Variants in PAQR5 observed in about 807,000 individuals in gnomAD.
PAQR5 encodes progestin and adipoQ receptor family member 5, also known as membrane progestin receptor gamma.
In PAQR5, 20 loss-of-function variants were observed where a neutral mutation model predicts 34.5. The ratio of observed to expected loss-of-function variants is 0.58; its 90% confidence interval spans 0.41 to 0.84. PAQR5 has a LOEUF of 0.84. Among genes scored for constraint, PAQR5 ranks in the 40% least tolerant of loss-of-function variants. The pLI is 0.00. For synonymous variants in PAQR5, 131 were observed against 155.6 expected (o/e 0.84, Z 1.18); for missense variants, 378 against 412.7 (o/e 0.92, Z 0.73).
intron 5 of PAQR5, 24 bp from the exon 6 acceptor site, chr15:69,389,630 C>T: frequency 6.2e-7 from 1 of 1,613,866 alleles, no homozygotes; most frequent in Middle Eastern, 1.6e-4. Context: ...GGCTCCTCTC[C>T]CAAGGCTGGC....
At chr15:69,301,351 C>T (rs1444698309) in intron 1 of PAQR5, among the ~76,000 whole-genome samples, 1 of 152,150 alleles carries the variant, frequency 6.6e-6, no homozygotes, top group East Asian at 1.9e-4. Context: ...TTACCCTTGT[C>T]CCGCCAAGGA....
chr15:69,365,945 C>T (rs1382502407), intron 3 of PAQR5, among the ~76,000 whole-genome samples: 1 of 152,136 alleles, frequency 6.6e-6, no homozygotes, highest in Non-Finnish European at 1.5e-5. Flanking sequence ...TTATAACAGC[C>T]TAGTTGAGAC....
At chr15:69,355,645 T>C (rs996310794) in intron 2 of PAQR5, among the ~76,000 whole-genome samples, 4 of 152,078 alleles carry the variant, frequency 2.6e-5, no homozygotes, top group African/African-American at 9.7e-5. Context: ...GGTCTCGAAC[T>C]CCTGACCTCA....
chr15:69,319,017 C>T (rs1281160806), intron 1 of PAQR5, among the ~76,000 whole-genome samples: 1 of 151,174 alleles, frequency 6.6e-6, no homozygotes, highest in Admixed American at 6.6e-5. Flanking sequence ...GCCTTTAATC[C>T]CAGGTACCTG....
intron 1 of PAQR5, among the ~76,000 whole-genome samples, chr15:69,304,242 A>T (rs1264203213): frequency 6.6e-6 from 1 of 152,130 alleles, no homozygotes; most frequent in Admixed American, 6.5e-5. Flanking sequence ...AGCTTCATGC[A>T]CTACTGCCCT....
chr15:69,362,146 A>G (rs967996806), intron 3 of PAQR5, among the ~76,000 whole-genome samples: 8 of 152,206 alleles, frequency 5.3e-5, no homozygotes, highest in African/African-American at 1.7e-4. Flanking sequence ...TCTGAATGTC[A>G]GGGCTGGACA....
intron 2 of PAQR5, among the ~76,000 whole-genome samples, chr15:69,351,540 C>G (rs2054917829): frequency 6.6e-6 from 1 of 152,202 alleles, no homozygotes; most frequent in Non-Finnish European, 1.5e-5. Context: ...CTGGCAAGGC[C>G]AACAATACAC....
intron 3 of PAQR5, among the ~76,000 whole-genome samples, chr15:69,369,608 A>T (rs1328310409): frequency 6.6e-6 from 1 of 151,180 alleles, no homozygotes; most frequent in Non-Finnish European, 1.5e-5. Context: ...ACCTGAGGGA[A>T]CTACAAAATT....
chr15:69,401,643 C>T (rs1246008933), intron 8 of PAQR5, among the ~76,000 whole-genome samples: 12 of 152,174 alleles, frequency 7.9e-5, no homozygotes, highest in Non-Finnish European at 1.5e-5. Flanking sequence ...TCCTCTTGGG[C>T]CTAGGGGTAC....
chr15:69,351,463 C>T lies in PAQR5; in HGVS notation c.-115-8503C>T, dbSNP rs546783295. ...TCTTCTGGTACCTGGTATGCTGCCA[C>T]GGATCAGGCAAATGCCTTTTTCTCC... On this transcript the variant is annotated intron_variant, in intron 2 of 8. Coordinates refer to ENST00000395407, the MANE Select transcript of PAQR5 (RefSeq NM_017705.4). Among the ~76,000 whole-genome samples the T allele has an allele frequency of 6.9e-4, 105 of 152,366 alleles. 1 individual carries two copies. Among genetic ancestry groups the T allele is most frequent in the Non-Finnish European group, 1.1e-3 (78 of 68,038 alleles).
chr15:69,403,693 G>T lies in PAQR5; in HGVS notation c.864G>T (p.Lys288Asn). 3 of 1,614,152 alleles carry T rather than the reference G, an allele frequency of 1.9e-6. No individual in the cohort carries two copies. Among genetic ancestry groups the T allele is most frequent in the Non-Finnish European group, 2.5e-6 (3 of 1,180,046 alleles). Residue 288 changes from lysine (K) to asparagine (N), a missense_variant, in exon 9 of 9, where the codon AAG becomes AAT. Lys to Asn is a moderately conservative substitution (Grantham distance 94). Coordinates refer to ENST00000395407, the MANE Select transcript of PAQR5 (RefSeq NM_017705.4). ...AGGAATGGCTCCTGGCCACCTCCAA[G>T]CCCTTCTCTTTCTCTCAGATAGCTG... is the stretch of plus-strand genomic sequence containing the variant. Reference protein sequence around the residue: ...LRKEWLLATSKPFSFSQIAGA... With the variant: ...LRKEWLLATSNPFSFSQIAGA...
rs376896361 is a variant in PAQR5, at chr15:69,364,508, A to G, written c.51+4377A>G. ...TATATACATTATATATGTTATATAT[A>G]TACATTATATATGTAATATATATAC... On this transcript the variant is annotated intron_variant, in intron 3 of 8. Coordinates refer to ENST00000395407, the MANE Select transcript of PAQR5 (RefSeq NM_017705.4). Among the ~76,000 whole-genome samples the G allele has an allele frequency of 1.6e-4, 24 of 148,106 alleles. 1 individual carries two copies. The East Asian group carries it at 4.7e-3, about 29-fold the overall frequency.
At chr15:69,321,132 A>G (rs1217405096) in intron 1 of PAQR5, among the ~76,000 whole-genome samples, 1 of 152,240 alleles carries the variant, frequency 6.6e-6, no homozygotes, top group Non-Finnish European at 1.5e-5. Context: ...TGTCATGTTG[A>G]TATCCCACAT....
chr15:69,404,913 C>T lies in PAQR5; in HGVS notation c.*1091C>T, dbSNP rs1274443072. Reference sequence around the variant, plus strand: ...GGAGATCTGCACTGGAGCAAGTCTCCCAGATGATTCTAATACAGGAGGGCC... The same window carrying T: ...GGAGATCTGCACTGGAGCAAGTCTCTCAGATGATTCTAATACAGGAGGGCC... On this transcript the variant is annotated 3_prime_UTR_variant, in exon 9 of 9. Transcript: ENST00000395407. 3 of 398,344 alleles carry T rather than the reference C, an allele frequency of 7.5e-6. No individual in the cohort carries two copies. The highest frequency in any genetic ancestry group is 1.3e-5 in the Non-Finnish European group (3 of 226,020). 24.7% of individuals were successfully genotyped at this position (398,344 alleles called of 1,614,324 possible).
chr15:69,299,798 G>A (rs2053487256), intron 1 of PAQR5, among the ~76,000 whole-genome samples: 1 of 152,216 alleles, frequency 6.6e-6, no homozygotes. Flanking sequence ...GTTGGGAGGA[G>A]GGCTCAGCTT....
At position 69,379,951 on chromosome 15, in the gene PAQR5, C is replaced by A. The variant is rs1204607577; in HGVS notation, c.120C>A (p.Leu40=). The change falls in exon 4 of 9, where the codon CTC becomes CTA. Residue 40 remains leucine (L), a synonymous_variant. Coordinates refer to ENST00000395407, the MANE Select transcript of PAQR5 (RefSeq NM_017705.4). ...AGAGTTCTGCCACTGCCTGCATCCT[C>A]AGCCTTTTCCAAATGACCAATGAGA... ...HPQSSATACI[L]SLFQMTNETL... The A allele has an allele frequency of 6.2e-7, 1 of 1,614,260 alleles. No homozygotes were observed. The highest frequency in any genetic ancestry group is 1.7e-5 in the Admixed American group (1 of 60,036).
At chr15:69,345,689 G>T (rs1045769896) in intron 2 of PAQR5, among the ~76,000 whole-genome samples, 1 of 152,016 alleles carries the variant, frequency 6.6e-6, no homozygotes, top group African/African-American at 2.4e-5. Flanking sequence ...TTTTTGTTTT[G>T]ATTTTTTTGA....
At chr15:69,343,155 A>C (rs1189604766) in intron 2 of PAQR5, among the ~76,000 whole-genome samples, 1 of 152,244 alleles carries the variant, frequency 6.6e-6, no homozygotes, top group African/African-American at 2.4e-5. Context: ...GCAAGCATGG[A>C]GAAATTTCCT....
At chr15:69,357,583 A>C (rs113499723) in intron 2 of PAQR5, among the ~76,000 whole-genome samples, 3 of 152,134 alleles carry the variant, frequency 2.0e-5, no homozygotes, top group African/African-American at 7.2e-5. Flanking sequence ...TCTTTATAGC[A>C]ATGCAAGAAT....
Sources: gnomAD v4.1 joint callset for allele counts (sites outside exome capture counted in the v4.1 genomes callset) on GRCh38, gnomAD v4.1.1 for gene constraint, MANE v1.5 for transcripts, NCBI Gene and HGNC (gene_info 2026-07-23, HGNC 2026-07-21) for gene names.